Variants in SHANK2 observed in about 807,000 individuals in gnomAD.
The protein encoded by SHANK2 is SH3 and multiple ankyrin repeat domains protein 2.
Under a neutral mutation model 133.7 loss-of-function variants are expected in SHANK2, and 43 were observed. The ratio of observed to expected loss-of-function variants is 0.32; its 90% confidence interval spans 0.25 to 0.41. The LOEUF (loss-of-function observed/expected upper bound fraction) is 0.41. Among genes scored for constraint, SHANK2 ranks in the 10% least tolerant of loss-of-function variants. The probability of loss-of-function intolerance (pLI) is 1.00; values close to 1 mark genes in which losing one functional copy is unlikely to be tolerated. For synonymous variants in SHANK2, 1,017 were observed against 952.8 expected, an observed-to-expected ratio of 1.07 and a Z score of -1.24; for missense variants, 1,994 against 2,235.8, an observed-to-expected ratio of 0.89 and a Z score of 2.18.
intron 17 of SHANK2, among the ~76,000 whole-genome samples, chr11:70,506,998 T>C (rs1554968522): frequency 6.6e-6 from 1 of 152,252 alleles, no homozygotes; most frequent in East Asian, 1.9e-4. Flanking sequence ...CCTCAGTCAG[T>C]TTTAACTTAG....
At chr11:71,166,806 T>C (rs76263051) in intron 2 of SHANK2, among the ~76,000 whole-genome samples, 1 of 150,816 alleles carries the variant, frequency 6.6e-6, no homozygotes, top group Admixed American at 6.6e-5. Flanking sequence ...TTTTTTTTTT[T>C]AATTGATCAT....
chr11:71,090,172 C>CTGTG (rs1191382012), intron 8 of SHANK2, among the ~76,000 whole-genome samples: 57,364 of 87,368 alleles, frequency 0.66, 20,881 homozygotes, highest in East Asian at 0.73. Flanking sequence ...GAAACACAAC[C>CTGTG]TGTGTGTGTG....
Position 70,857,228 on chromosome 11 carries a change from G to A in SHANK2, c.1175-36546C>T, listed in dbSNP as rs74321299. On this transcript the variant is annotated intron_variant, in intron 11 of 25. Coordinates refer to ENST00000601538, the MANE Select transcript of SHANK2 (RefSeq NM_012309.5). ...GATGACTGACACTGGACAAGTAAGC[G>A]GGCCTCAGCTCCCAACCTACAAAAT... Among the ~76,000 whole-genome samples, 405 of 152,236 alleles carry A rather than the reference G, an allele frequency of 2.7e-3. 1 individual carries two copies. The highest frequency in any genetic ancestry group is 9.2e-3 in the African/African-American group (381 of 41,554).
chr11:70,589,008 G>A (rs1032750423), intron 17 of SHANK2, among the ~76,000 whole-genome samples: 1 of 152,256 alleles, frequency 6.6e-6, no homozygotes, highest in South Asian at 2.1e-4. Flanking sequence ...TAGTAGAGAC[G>A]GGGTTTCACT....
chr11:70,610,550 C>T (rs551440531), intron 17 of SHANK2, among the ~76,000 whole-genome samples: 1 of 152,352 alleles, frequency 6.6e-6, no homozygotes, highest in African/African-American at 2.4e-5. Context: ...CTTTGTTCTT[C>T]TCTCCCTGAA....
intron 14 of SHANK2, among the ~76,000 whole-genome samples, chr11:70,752,444 C>T (rs558182504): frequency 2.8e-4 from 43 of 152,220 alleles, no homozygotes; most frequent in African/African-American, 9.4e-4. Flanking sequence ...TTCGGCCGGG[C>T]GCGGTGGCTC....
chr11:70,663,324 G>A (rs1442740492), intron 15 of SHANK2, among the ~76,000 whole-genome samples: 1 of 152,126 alleles, frequency 6.6e-6, no homozygotes, highest in Non-Finnish European at 1.5e-5. Context: ...ACCCCGGATT[G>A]GGGGGCCCTG....
chr11:71,237,964 G>GC (rs1555123934), intron 1 of SHANK2, among the ~76,000 whole-genome samples: 1 of 152,190 alleles, frequency 6.6e-6, no homozygotes, highest in African/African-American at 2.4e-5. Flanking sequence ...GGATAAGGGG[G>GC]CCCCCTCCCA....
intron 17 of SHANK2, among the ~76,000 whole-genome samples, chr11:70,566,835 C>T (rs1358101051): frequency 6.6e-6 from 1 of 152,146 alleles, no homozygotes; most frequent in Non-Finnish European, 1.5e-5. Flanking sequence ...TGTTCAGAGA[C>T]CTTTGGATAT....
In SHANK2 at chr11:71,233,169, A is replaced by G. The variant is rs115813813; in HGVS notation, c.-112-8373T>C. On this transcript the variant is annotated intron_variant, in intron 1 of 25. Transcript: ENST00000601538. ...TACCAAAAAAAAAAAGTGTATATGAATGTTCACGGCAGCATACCTCATAAC... is the reference window on the plus strand; with the variant it reads ...TACCAAAAAAAAAAAGTGTATATGAGTGTTCACGGCAGCATACCTCATAAC... Among the ~76,000 whole-genome samples the G allele has an allele frequency of 2.7e-3, 409 of 152,080 alleles. 1 individual carries two copies. The highest frequency in any genetic ancestry group is 9.4e-3 in the African/African-American group (391 of 41,460).
At chr11:70,951,518 GCT>G (rs1950841660) in intron 10 of SHANK2, among the ~76,000 whole-genome samples, 1 of 145,930 alleles carries the variant, frequency 6.9e-6, no homozygotes, top group African/African-American at 2.5e-5. Flanking sequence ...TGGCTGCTGT[GCT>G]GTGATGTCAT....
In SHANK2 at chr11:71,149,808, A is replaced by G. The variant is rs139828403; in HGVS notation, c.-12-2470T>C. The stretch of plus-strand genomic sequence containing the variant: ...TGAATGGATGGATGGCTAACTGTGC[A>G]TAGGTGAGAGGGAGGAAAGAAGGGA... On this transcript the variant is annotated intron_variant, in intron 2 of 25. Coordinates refer to ENST00000601538, the MANE Select transcript of SHANK2 (RefSeq NM_012309.5). 5.6e-3 allele frequency among the ~76,000 whole-genome samples: 709 copies of G among 126,554 alleles called. 14 individuals carry two copies. Among genetic ancestry groups the G allele is most frequent in the African/African-American group, 0.021 (682 of 32,850 alleles). 83.0% of individuals were successfully genotyped at this position (126,554 alleles called of 152,430 possible).
chr11:70,933,225 G>A (rs1555082826), intron 10 of SHANK2: 2 of 456,370 alleles, frequency 4.4e-6, no homozygotes, highest in African/African-American at 4.0e-5. Context: ...CAACATGGAG[G>A]AACCTTGAGG....
At chr11:70,735,250 G>A (rs1454192245) in intron 14 of SHANK2, among the ~76,000 whole-genome samples, 1 of 152,224 alleles carries the variant, frequency 6.6e-6, no homozygotes, top group Non-Finnish European at 1.5e-5. Flanking sequence ...AAGTGTCCCA[G>A]GTGGAGCTGG....
chr11:71,117,621 A>G (rs7120323), intron 4 of SHANK2, among the ~76,000 whole-genome samples: 3,497 of 152,252 alleles, frequency 0.023, 136 homozygotes, highest in African/African-American at 0.08. Context: ...TGTAATGCCT[A>G]TGTAATGAAA....
intron 17 of SHANK2, among the ~76,000 whole-genome samples, chr11:70,598,048 G>A (rs10047425): frequency 0.19 from 29,185 of 152,178 alleles, 3,115 homozygotes; most frequent in East Asian, 0.39. Context: ...AATGCTGTCC[G>A]CTAACTGCCC....
intron 14 of SHANK2, among the ~76,000 whole-genome samples, chr11:70,716,900 C>T (rs542259506): frequency 6.7e-6 from 1 of 148,394 alleles, no homozygotes; most frequent in Non-Finnish European, 1.5e-5. Context: ...CCGGAGCCCC[C>T]CCCCCGCCCA....
At chr11:70,741,956 G>A (rs1946536198) in intron 14 of SHANK2, among the ~76,000 whole-genome samples, 1 of 152,196 alleles carries the variant, frequency 6.6e-6, no homozygotes, top group Non-Finnish European at 1.5e-5. Flanking sequence ...GAAAGAGTCA[G>A]TGTCCAGAAT....
At chr11:70,489,246 G>T in intron 24 of SHANK2, 82 bp downstream of exon 24, 1 of 1,351,800 alleles carries the variant, frequency 7.4e-7, no homozygotes, top group South Asian at 1.2e-5. Context: ...TGTTCCCAAG[G>T]AGTACTAATT....
Sources: gnomAD v4.1 joint callset for allele counts (sites outside exome capture counted in the v4.1 genomes callset) on GRCh38, gnomAD v4.1.1 for gene constraint, MANE v1.5 for transcripts, NCBI Gene and HGNC (gene_info 2026-07-23, HGNC 2026-07-21) for gene names.